The following NRCAM variants were observed in gnomAD, a reference collection of about 807,000 sequenced individuals.
The protein encoded by NRCAM is neuronal cell adhesion molecule, also known as NgCAM-related cell adhesion molecule.
Under a neutral mutation model 156.5 loss-of-function variants are expected in NRCAM, and 83 were observed. The ratio of observed to expected loss-of-function variants is 0.53; its 90% CI spans 0.44 to 0.64. NRCAM has a LOEUF of 0.64. NRCAM is among the 30% of genes least tolerant of loss of function. The probability of loss-of-function intolerance (pLI) is 0.00; values close to 1 mark genes in which losing one functional copy is unlikely to be tolerated. For missense variants in NRCAM, 1,417 were observed against 1,597.3 expected, an observed-to-expected ratio of 0.89 and a Z score of 1.92; for synonymous variants, 538 against 563.9, an observed-to-expected ratio of 0.95 and a Z score of 0.65.
chr7:108,253,617 G>A (rs186074070), intron 3 of NRCAM, among the ~76,000 whole-genome samples: 109 of 152,344 alleles, frequency 7.2e-4, no homozygotes, highest in African/African-American at 2.5e-3. Context: ...GTTTCAAAGT[G>A]CCAAGCTGGG....
In NRCAM at chr7:108,217,244, C is replaced by T. The variant is rs114639082; in HGVS notation, c.890+6481G>A. 4.7e-3 allele frequency among the ~76,000 whole-genome samples: 722 copies of T among 152,336 alleles called. 10 individuals carry two copies. Among genetic ancestry groups the T allele is most frequent in the African/African-American group, 0.017 (694 of 41,576 alleles). The stretch of plus-strand genomic sequence containing the variant: ...ACACTGTTTGCTTGGGTATCACCAG[C>T]GAAGGCTGCAGAACAGCAAAGGTTG... On this transcript the variant is annotated intron_variant, in intron 11 of 32. Coordinates refer to ENST00000379028, the MANE Select transcript of NRCAM (RefSeq NM_001037132.4).
intron 27 of NRCAM, among the ~76,000 whole-genome samples, chr7:108,175,943 T>C (rs965296044): frequency 1.3e-5 from 2 of 152,208 alleles, no homozygotes; most frequent in Non-Finnish European, 2.9e-5. Flanking sequence ...AATAACTGTT[T>C]CGATTTCCTT....
At chr7:108,299,031 A>G (rs10274931) in intron 3 of NRCAM, among the ~76,000 whole-genome samples, 31,707 of 139,734 alleles carry the variant, frequency 0.23, 4,014 homozygotes, top group African/African-American at 0.27. Flanking sequence ...GCTTGAACCC[A>G]GGAGGCAGAG....
At chr7:108,419,273 T>C (rs1806021151) in intron 1 of NRCAM, among the ~76,000 whole-genome samples, 1 of 152,198 alleles carries the variant, frequency 6.6e-6, no homozygotes, top group Non-Finnish European at 1.5e-5. Flanking sequence ...TAATCTCCAA[T>C]TAGCTTCCTC....
At chr7:108,195,657 G>A in intron 15 of NRCAM, 104 bp downstream of exon 15, 2 of 663,448 alleles carry the variant, frequency 3.0e-6, no homozygotes, top group South Asian at 1.6e-5. Context: ...GGATTGTGTG[G>A]TGCCTTTCCC....
chr7:108,177,827 G>T (rs2061518720), intron 26 of NRCAM, among the ~76,000 whole-genome samples, 163 bp downstream of exon 26: 1 of 151,820 alleles, frequency 6.6e-6, no homozygotes, highest in Admixed American at 6.6e-5. Flanking sequence ...ACAAATAAAT[G>T]ATAAATATTT....
At chr7:108,152,412 TG>T (rs1181230700) in intron 32 of NRCAM, among the ~76,000 whole-genome samples, 1 of 150,832 alleles carries the variant, frequency 6.6e-6, no homozygotes, top group East Asian at 2.0e-4. Flanking sequence ...TTGGTGTGGC[TG>T]GGGGGAGGGA....
chr7:108,300,228 G>GA (rs1199350379), intron 3 of NRCAM, among the ~76,000 whole-genome samples: 2 of 111,128 alleles, frequency 1.8e-5, no homozygotes, highest in Admixed American at 1.2e-4. Context: ...CCCTGATATT[G>GA]AAAAAACACT....
chr7:108,413,924 G>A (rs986930603), intron 1 of NRCAM, among the ~76,000 whole-genome samples: 6 of 152,064 alleles, frequency 3.9e-5, no homozygotes, highest in African/African-American at 1.2e-4. Flanking sequence ...TGTAGCTGAT[G>A]GCTCTGACTC....
chr7:108,315,215 G>A (rs2098891609), intron 2 of NRCAM, among the ~76,000 whole-genome samples: 1 of 151,778 alleles, frequency 6.6e-6, no homozygotes, highest in African/African-American at 2.4e-5. Flanking sequence ...TTAATCTTTG[G>A]TCTTAACAGA....
In NRCAM at chr7:108,169,923, G is replaced by A. The variant is rs143602208; in HGVS notation, c.3188-1521C>T. Among the ~76,000 whole-genome samples the A allele has an allele frequency of 2.3e-3, 355 of 152,252 alleles. 2 individuals carry two copies. Among genetic ancestry groups the A allele is most frequent in the African/African-American group, 8.0e-3 (333 of 41,564 alleles). The stretch of plus-strand genomic sequence containing the variant: ...CACAAGAGCATTTACTAACAGAAGA[G>A]CAAAATACTTCTAACGGAAAAGCAT... On this transcript the variant is annotated intron_variant, in intron 28 of 32. Coordinates refer to ENST00000379028, the MANE Select transcript of NRCAM (RefSeq NM_001037132.4).
intron 3 of NRCAM, among the ~76,000 whole-genome samples, chr7:108,306,950 C>T (rs575170714): frequency 6.6e-6 from 1 of 152,214 alleles, no homozygotes; most frequent in African/African-American, 2.4e-5. Context: ...AAATAAATCC[C>T]TGGGTGGGAT....
At chr7:108,176,766 C>T in intron 26 of NRCAM, 160 bp from the exon 27 acceptor site, 3 of 594,168 alleles carry the variant, frequency 5.0e-6, no homozygotes, top group South Asian at 4.2e-5. Context: ...AACCTTTTAA[C>T]AGCTCCTATG....
chr7:108,419,414 T>C (rs1806215336), intron 1 of NRCAM, among the ~76,000 whole-genome samples: 1 of 152,234 alleles, frequency 6.6e-6, no homozygotes, highest in Admixed American at 6.5e-5. Flanking sequence ...CTTTCCTGTT[T>C]ACCTGCTTGC....
chr7:108,377,785 A>G (rs541947130), intron 2 of NRCAM, among the ~76,000 whole-genome samples: 14 of 152,226 alleles, frequency 9.2e-5, no homozygotes, highest in African/African-American at 3.4e-4. Flanking sequence ...CCAACTAAAC[A>G]CCTAAACATT....
chr7:108,451,087 C>T (rs951692537), intron 1 of NRCAM, among the ~76,000 whole-genome samples: 1 of 151,866 alleles, frequency 6.6e-6, no homozygotes, highest in Non-Finnish European at 1.5e-5. Flanking sequence ...GGCATGGTGG[C>T]AGGTGCCTGT....
intron 1 of NRCAM, among the ~76,000 whole-genome samples, chr7:108,454,324 A>C (rs1185399565): frequency 6.6e-6 from 1 of 152,212 alleles, no homozygotes; most frequent in Non-Finnish European, 1.5e-5. Context: ...TAAACTGATA[A>C]GCCTCCAAAA....
At chr7:108,208,822 A>T (rs950465720) in intron 12 of NRCAM, among the ~76,000 whole-genome samples, 1 of 152,156 alleles carries the variant, frequency 6.6e-6, no homozygotes, top group Non-Finnish European at 1.5e-5. Flanking sequence ...ATGGGGGAAT[A>T]TATGATATCA....
intron 1 of NRCAM, among the ~76,000 whole-genome samples, chr7:108,450,144 A>G (rs1235810487): frequency 6.6e-6 from 1 of 152,104 alleles, no homozygotes; most frequent in Non-Finnish European, 1.5e-5. Context: ...AAATTCGGAG[A>G]GCACATAATA....
Sources: gnomAD v4.1 joint callset for allele counts (sites outside exome capture counted in the v4.1 genomes callset) on GRCh38, gnomAD v4.1.1 for gene constraint, MANE v1.5 for transcripts, NCBI Gene and HGNC (gene_info 2026-07-23, HGNC 2026-07-21) for gene names.